TRIP11: variants seen among roughly 807,000 people sequenced by gnomAD.
TRIP11 encodes thyroid hormone receptor interactor 11.
A neutral mutation model predicts 223.1 loss-of-function variants in TRIP11; 148 were observed. That is an observed-to-expected ratio of 0.66 (90% CI 0.58 to 0.76). The LOEUF (loss-of-function observed/expected upper bound fraction) is 0.76, where lower values mean the gene tolerates loss of function less well. TRIP11 is among the 30% of genes least tolerant of loss of function. The probability of loss-of-function intolerance (pLI) is 0.00; values close to 1 mark genes in which losing one functional copy is unlikely to be tolerated. For synonymous variants in TRIP11, 762 were observed against 772.6 expected (o/e 0.99, Z 0.23); for missense variants, 2,043 against 2,222.0 (o/e 0.92, Z 1.62).
At position 91,968,072 on chromosome 14, in the gene TRIP11, G is replaced by C; in HGVS notation, c.*1601C>G. The C allele has an allele frequency of 4.9e-6, 1 of 202,112 alleles. No individual in the cohort carries two copies. The highest frequency in any genetic ancestry group is 7.6e-5 in the East Asian group (1 of 13,074). 12.5% of individuals were successfully genotyped at this position (202,112 alleles called of 1,614,324 possible). On this transcript the variant is annotated 3_prime_UTR_variant, in exon 21 of 21. Coordinates refer to ENST00000267622, the MANE Select transcript of TRIP11 (RefSeq NM_004239.4). ...GTTTCACCCATCAACATGGAATTAA[G>C]ACTTCCAGTCTTCCAAATACATTAG...
rs371642981 is a variant in TRIP11, at chr14:92,005,671, G to C, written c.2305C>G (p.Gln769Glu). The C allele has an allele frequency of 8.4e-5, 135 of 1,613,588 alleles. No homozygotes were observed. The African/African-American group carries it at 1.6e-3, about 19-fold the overall frequency. ...TCTGCTATTTCCATGTCTTTCTTTT[G>C]ATTGAGTTTAATTAAATGCTCATGT... is the stretch of plus-strand genomic sequence containing the variant. Reference protein sequence around the residue: ...LEHEHLIKLNQKKDMEIAELK... With the variant: ...LEHEHLIKLNEKKDMEIAELK... Residue 769 changes from glutamine (Q) to glutamate (E), a missense_variant, in exon 11 of 21, where the codon CAA becomes GAA. Gln to Glu is a conservative substitution (Grantham distance 29). Transcript: ENST00000267622.
At chr14:92,001,953 C>T (rs74073658) in intron 11 of TRIP11, among the ~76,000 whole-genome samples, 1,995 of 152,282 alleles carry the variant, frequency 0.013, 29 homozygotes, top group African/African-American at 0.045. Context: ...GAAGTTTTCA[C>T]AACTTTAATC....
At position 92,005,111 on chromosome 14, in the gene TRIP11, G is replaced by A. The variant is rs1474322903; in HGVS notation, c.2865C>T (p.Thr955=). The change falls in exon 11 of 21, where the codon ACC becomes ACT. Residue 955 remains threonine, a synonymous_variant. Coordinates refer to ENST00000267622, the MANE Select transcript of TRIP11 (RefSeq NM_004239.4). ...CCTCATCCTTCTCTAAAAAGAGCTG[G>A]GTGTGTGTGGCGTTCATTTGCTCAT... ...YQHEQMNATH[T]QLFLEKDEEI... 1 of 1,613,400 alleles carries A rather than the reference G, an allele frequency of 6.2e-7. No homozygotes were observed. The highest frequency in any genetic ancestry group is 1.3e-5 in the African/African-American group (1 of 74,888).
At chr14:91,990,348 T>A (rs1460549943) in intron 15 of TRIP11, among the ~76,000 whole-genome samples, 2 of 152,222 alleles carry the variant, frequency 1.3e-5, no homozygotes, top group African/African-American at 4.8e-5. Flanking sequence ...AAAATCAGCA[T>A]TTAGATTTTG....
At chr14:92,011,834 T>G (rs1180763107) in intron 7 of TRIP11, 39 bp from the exon 8 acceptor site, 66 of 1,583,764 alleles carry the variant, frequency 4.2e-5, no homozygotes, top group Non-Finnish European at 5.7e-5. Context: ...TAAAATTATT[T>G]AGAGTAACTT....
At chr14:91,987,238 T>C (rs1244504458) in intron 16 of TRIP11, among the ~76,000 whole-genome samples, 1 of 152,190 alleles carries the variant, frequency 6.6e-6, no homozygotes, top group Non-Finnish European at 1.5e-5. Flanking sequence ...GACTTTTGGT[T>C]TGGCAGTAAC....
intron 18 of TRIP11, 101 bp downstream of exon 18, chr14:91,975,071 T>C: frequency 9.2e-7 from 1 of 1,089,670 alleles, no homozygotes; most frequent in Non-Finnish European, 1.4e-6. Flanking sequence ...ACTGAGAAAA[T>C]TACACTCAGT....
At chr14:91,995,329 G>GA in intron 14 of TRIP11, 23 bp downstream of exon 14, 1 of 1,612,246 alleles carries the variant, frequency 6.2e-7, no homozygotes, top group Non-Finnish European at 8.5e-7. Flanking sequence ...TTTCTTCATT[G>GA]AAAGAGTGAC....
At chr14:92,038,163 A>T (rs959506775) in intron 1 of TRIP11, among the ~76,000 whole-genome samples, 5 of 152,210 alleles carry the variant, frequency 3.3e-5, no homozygotes, top group African/African-American at 1.2e-4. Context: ...ACAGTTTAGG[A>T]AACTGAGAGT....
At chr14:92,034,800 T>G (rs1186410208) in intron 1 of TRIP11, among the ~76,000 whole-genome samples, 2 of 152,152 alleles carry the variant, frequency 1.3e-5, no homozygotes, top group Non-Finnish European at 2.9e-5. Flanking sequence ...ACCTACCTAA[T>G]TTTTTTACTT....
chr14:91,990,120 T>C (rs2056654155), intron 15 of TRIP11, among the ~76,000 whole-genome samples: 1 of 152,208 alleles, frequency 6.6e-6, no homozygotes, highest in Non-Finnish European at 1.5e-5. Context: ...TTGACACATA[T>C]ACATACACAC....
chr14:91,974,751 A>T lies in TRIP11; in HGVS notation c.5458-8T>A. 1 of 1,596,228 alleles carries T rather than the reference A, an allele frequency of 6.3e-7. No homozygotes were observed. The highest frequency in any genetic ancestry group is 8.6e-7 in the Non-Finnish European group (1 of 1,165,492). ...CTGATCGTCATGAAACAACTGAAAG[A>T]TTATTTTAAAACAGACAAATATTAT... is the stretch of plus-strand genomic sequence containing the variant. On this transcript the variant is annotated splice_region_variant and splice_polypyrimidine_tract_variant and intron_variant, in intron 18 of 20. Transcript: ENST00000267622.
intron 11 of TRIP11, 130 bp from the exon 12 acceptor site, chr14:92,000,238 G>GCC: frequency 1.4e-6 from 2 of 1,445,178 alleles, no homozygotes; most frequent in South Asian, 1.2e-5. Flanking sequence ...TACTCTCTGA[G>GCC]TAGGCTCAGA....
chr14:92,010,921 T>C (rs898202711), intron 9 of TRIP11, 65 bp downstream of exon 9: 14 of 1,407,326 alleles, frequency 9.9e-6, no homozygotes, highest in Non-Finnish European at 1.2e-5. Context: ...GGATATCAAC[T>C]GGCCCTTGGC....
intron 16 of TRIP11, among the ~76,000 whole-genome samples, chr14:91,983,216 C>T (rs1232748797): frequency 6.6e-6 from 1 of 152,208 alleles, no homozygotes; most frequent in Non-Finnish European, 1.5e-5. Flanking sequence ...TCCCTTCCTG[C>T]CTGACTGTAA....
chr14:91,997,331 T>C (rs1176161064), intron 13 of TRIP11, among the ~76,000 whole-genome samples: 1 of 152,172 alleles, frequency 6.6e-6, no homozygotes, highest in African/African-American at 2.4e-5. Context: ...TGCTATGTGA[T>C]AGGTAGAAAA....
rs748335821 is a variant in TRIP11, at chr14:92,006,041, T to C, written c.1935A>G (p.Lys645=). ...AGTTTCTAACTTCAGCTTCTCTTTC[T>C]TTAAGTAAGGTATCCTTAAAATTAC... The part of the protein sequence containing the change: ...SNSNFKDTLL[K]EREAEVRNLK... Residue 645 remains lysine, a synonymous_variant, in exon 11 of 21, where the codon AAA becomes AAG. Coordinates refer to ENST00000267622, the MANE Select transcript of TRIP11 (RefSeq NM_004239.4). 9 of 1,583,800 alleles carry C rather than the reference T, an allele frequency of 5.7e-6. No homozygotes were observed. The highest frequency in any genetic ancestry group is 1.7e-4 in the Middle Eastern group (1 of 5,880).
rs1000794970 is a variant in TRIP11, at chr14:91,978,375, C to A, written c.5261-2186G>T. ...ACAGAGGTCAAGCTTAGCTAACCTA[C>A]CTCCAACCCCCACCTTCCCTTTCCC... is the stretch of plus-strand genomic sequence containing the variant. On this transcript the variant is annotated intron_variant, in intron 16 of 20. Transcript: ENST00000267622. This position sits in a 1 kb window ranked among gnomAD's most constrained non-coding sequence, Gnocchi z 4.4. 1.3e-5 allele frequency among the ~76,000 whole-genome samples: 2 copies of A among 152,172 alleles called. No individual in the cohort carries two copies. Among genetic ancestry groups the A allele is most frequent in the African/African-American group, 4.8e-5 (2 of 41,420 alleles).
At chr14:92,033,314 T>A (rs1253290900) in intron 1 of TRIP11, 61 bp from the exon 2 acceptor site, 1 of 1,299,442 alleles carries the variant, frequency 7.7e-7, no homozygotes, top group Non-Finnish European at 1.1e-6. Context: ...AATAAATAGG[T>A]ATTTTCAAGA....
Sources: allele counts gnomAD v4.1 joint callset (sites outside exome capture counted in the v4.1 genomes callset), GRCh38; gene constraint gnomAD v4.1.1; non-coding constraint Gnocchi (gnomAD v3.1); transcripts MANE v1.5; gene names NCBI Gene and HGNC (gene_info 2026-07-23, HGNC 2026-07-21).